The following EXTL3 variants were observed in gnomAD, a reference collection of about 807,000 sequenced individuals.
EXTL3 encodes the protein exostosin-like 3.
A neutral mutation model predicts 69.3 loss-of-function variants in EXTL3; 27 were observed. That is an observed-to-expected ratio of 0.39 (90% CI 0.29 to 0.54). The LOEUF is 0.54. EXTL3 is among the 20% of genes least tolerant of loss of function. The probability of loss-of-function intolerance (pLI) is 0.69; values close to 1 mark genes in which losing one functional copy is unlikely to be tolerated. For synonymous variants in EXTL3, 511 were observed against 499.4 expected (o/e 1.02, Z -0.31); for missense variants, 1,003 against 1,231.8 (o/e 0.81, Z 2.78).
chr8:28,702,377 A>G (rs1800827369), intron 1 of EXTL3, among the ~76,000 whole-genome samples: 1 of 152,086 alleles, frequency 6.6e-6, no homozygotes, highest in South Asian at 2.1e-4. Context: ...TGCGCGGCGG[A>G]GCTCCGAGCC....
At chr8:28,622,170 G>A (rs1036961944), upstream of EXTL3, among the ~76,000 whole-genome samples, 1 of 152,192 alleles carries the variant, frequency 6.6e-6, no homozygotes, top group Non-Finnish European at 1.5e-5. Context: ...TTGATCCTTT[G>A]TAATGATTTT....
At chr8:28,638,628 T>TTTTG (rs1806692393) in intron 1 of EXTL3, among the ~76,000 whole-genome samples, 1 of 152,132 alleles carries the variant, frequency 6.6e-6, no homozygotes, top group Non-Finnish European at 1.5e-5. Context: ...TCTAGGATTC[T>TTTTG]TTTGTTTTGT....
intron 1 of EXTL3, among the ~76,000 whole-genome samples, chr8:28,655,041 T>G (rs760161435): frequency 3.9e-5 from 6 of 152,236 alleles, no homozygotes; most frequent in African/African-American, 7.2e-5. Context: ...TGTGTTTGTT[T>G]ATTGACTTTT....
At chr8:28,677,173 A>G (rs1008939743) in intron 1 of EXTL3, among the ~76,000 whole-genome samples, 3 of 152,172 alleles carry the variant, frequency 2.0e-5, no homozygotes, top group African/African-American at 7.2e-5. Context: ...GATTAGAGGA[A>G]AAAGAAAATG....
chr8:28,737,647 C>T lies in EXTL3; in HGVS notation c.2405C>T (p.Ala802Val). 1 of 1,614,146 alleles carries T rather than the reference C, an allele frequency of 6.2e-7. No individual in the cohort carries two copies. Among genetic ancestry groups the T allele is most frequent in the South Asian group, 1.1e-5 (1 of 91,080 alleles). The change falls in exon 5 of 7, where the codon GCT (alanine) becomes GTT (valine). Residue 802 changes from alanine (A) to valine (V), a missense_variant. This residue lies in a region of EXTL3 where 261 missense variants were observed against 416.4 expected (regional missense o/e 0.63). Transcript: ENST00000220562. ...GAGCTGTCCATGGTGCTGACAGGTGCTGCCTTCTTTCACAAGGTAAGAAAA... is the reference window on the plus strand; with the variant it reads ...GAGCTGTCCATGGTGCTGACAGGTGTTGCCTTCTTTCACAAGGTAAGAAAA... ...SCELSMVLTGAAFFHKYYAYL... is the reference protein window; with the variant it reads ...SCELSMVLTGVAFFHKYYAYL...
chr8:28,707,532 A>C, intron 1 of EXTL3, among the ~76,000 whole-genome samples: 1 of 152,194 alleles, frequency 6.6e-6, no homozygotes, highest in East Asian at 1.9e-4. Flanking sequence ...TAGCTAAGGG[A>C]TAGTGCTGTT....
intron 1 of EXTL3, among the ~76,000 whole-genome samples, chr8:28,687,093 T>TATAAGATATA (rs1807590063): frequency 6.6e-6 from 1 of 152,100 alleles, no homozygotes; most frequent in African/African-American, 2.4e-5. Flanking sequence ...GATATAAGGA[T>TATAAGATATA]AACAACTGAT....
intron 3 of EXTL3, among the ~76,000 whole-genome samples, chr8:28,722,774 TAAAAAAAAAAA>T (rs397711641): frequency 1.0e-5 from 1 of 97,604 alleles, no homozygotes; most frequent in African/African-American, 4.0e-5. Context: ...ACCCTGTCTC[TAAAAAAAAAAA>T]AAAAAAAAAA....
intron 2 of EXTL3, among the ~76,000 whole-genome samples, chr8:28,613,465 A>G (rs1806295611): frequency 6.6e-6 from 1 of 152,204 alleles, no homozygotes; most frequent in Admixed American, 6.5e-5. Flanking sequence ...TACAGGCGTG[A>G]GCCACTGCGC....
chr8:28,665,197 G>A (rs1295433273), intron 1 of EXTL3, among the ~76,000 whole-genome samples: 3 of 147,714 alleles, frequency 2.0e-5, no homozygotes, highest in Non-Finnish European at 3.0e-5. Flanking sequence ...TCAGCCTCCC[G>A]AGTAGCTGAG....
At chr8:28,692,124 A>G (rs1423105811) in intron 1 of EXTL3, among the ~76,000 whole-genome samples, 1 of 152,152 alleles carries the variant, frequency 6.6e-6, no homozygotes, top group South Asian at 2.1e-4. Context: ...CTTTAAAGAT[A>G]TGCTTTTCTT....
chr8:28,755,277 C>T lies in EXTL3; in HGVS notation c.*4411C>T, dbSNP rs953657575. 1 of 152,464 alleles carries T rather than the reference C, an allele frequency of 6.6e-6. No homozygotes were observed. 9.4% of individuals were successfully genotyped at this position (152,464 alleles called of 1,614,324 possible). A position where few individuals can be genotyped will look rare whatever the true frequency, so the allele number is the denominator to read the frequency against. ...CTATTAGAGCCCCCACGCTCTGTCG[C>T]CTCACCATGCTGTGTGCTGGCCACT... On this transcript the variant is annotated 3_prime_UTR_variant, in exon 7 of 7. Coordinates refer to ENST00000220562, the MANE Select transcript of EXTL3 (RefSeq NM_001440.4).
chr8:28,655,501 T>TTC (rs1237748152), intron 1 of EXTL3, among the ~76,000 whole-genome samples: 1 of 151,084 alleles, frequency 6.6e-6, no homozygotes, highest in Non-Finnish European at 1.5e-5. Flanking sequence ...TTTTTTTTTT[T>TTC]TTTTTTGAGA....
At chr8:28,653,547 T>C (rs1290633512) in intron 1 of EXTL3, among the ~76,000 whole-genome samples, 1 of 152,196 alleles carries the variant, frequency 6.6e-6, no homozygotes. Flanking sequence ...TTTTTATATA[T>C]GGTATAGGGT....
intron 1 of EXTL3, among the ~76,000 whole-genome samples, chr8:28,634,891 G>A (rs1186802041): frequency 2.0e-5 from 3 of 152,040 alleles, no homozygotes; most frequent in African/African-American, 4.8e-5. Flanking sequence ...CACTGCACCC[G>A]GCTGACATCT....
intron 1 of EXTL3, among the ~76,000 whole-genome samples, chr8:28,673,006 G>T (rs572940308): frequency 6.6e-6 from 1 of 152,352 alleles, no homozygotes; most frequent in Non-Finnish European, 1.5e-5. Context: ...GGCCATGTAA[G>T]ATGTGCCTTT....
upstream of EXTL3, among the ~76,000 whole-genome samples, chr8:28,621,674 T>C (rs1185466988): frequency 6.6e-6 from 1 of 152,208 alleles, no homozygotes; most frequent in Non-Finnish European, 1.5e-5. Flanking sequence ...AAAACTGAAA[T>C]ATTGCAATGC....
chr8:28,709,293 T>C (rs977727585), intron 1 of EXTL3, among the ~76,000 whole-genome samples: 1 of 152,212 alleles, frequency 6.6e-6, no homozygotes, highest in Non-Finnish European at 1.5e-5. Context: ...GTAATAGGTT[T>C]AACCCGGCAT....
upstream of EXTL3, among the ~76,000 whole-genome samples, chr8:28,619,611 C>A (rs923016432): frequency 2.0e-5 from 3 of 151,952 alleles, no homozygotes; most frequent in Non-Finnish European, 4.4e-5. Flanking sequence ...TCTACTTTTC[C>A]CCGTGGTGCT....
Sources: gnomAD v4.1 joint callset for allele counts (sites outside exome capture counted in the v4.1 genomes callset) on GRCh38, gnomAD v4.1.1 for gene constraint, gnomAD v4.1.1 regional missense constraint, MANE v1.5 for transcripts, NCBI Gene and HGNC (gene_info 2026-07-23, HGNC 2026-07-21) for gene names.